Variants in AOX1 observed in about 807,000 individuals in gnomAD.
AOX1 encodes aldehyde oxidase 1.
A neutral mutation model predicts 169.5 loss-of-function variants in AOX1; 153 were observed. That is an observed-to-expected ratio of 0.90 (90% CI 0.79 to 1.03). The LOEUF (loss-of-function observed/expected upper bound fraction) is 1.03. AOX1 is among the 50% of genes least tolerant of loss of function. AOX1 has a pLI of 0.00. For synonymous variants in AOX1, 562 were observed against 581.9 expected (o/e 0.97, Z 0.49); for missense variants, 1,656 against 1,663.9 (o/e 1.00, Z 0.08).
chr2:200,626,493 C>T (rs1478546436), intron 19 of AOX1, among the ~76,000 whole-genome samples: 2 of 152,258 alleles, frequency 1.3e-5, no homozygotes, highest in African/African-American at 4.8e-5. Context: ...ACATGGATTA[C>T]TGCAAGATAA....
Position 200,602,334 on chromosome 2 carries a change from A to C in AOX1, c.487A>C (p.Thr163Pro), listed in dbSNP as rs780567839. Residue 163 changes from threonine to proline, a missense_variant, in exon 6 of 35, where the codon ACT becomes CCT. Coordinates refer to ENST00000374700, the MANE Select transcript of AOX1 (RefSeq NM_001159.4). ...GYRPIIDACKTFCKTSGCCQS... is the reference protein window; with the variant it reads ...GYRPIIDACKPFCKTSGCCQS... ...CAGGCCCATAATTGATGCATGCAAG[A>C]CTTTCTGTAAAGTAAGTGGAAAGGA... is the stretch of plus-strand genomic sequence containing the variant. The C allele has an allele frequency of 7.4e-6, 12 of 1,613,674 alleles. 1 individual carries two copies. The South Asian group carries it at 1.3e-4, about 18-fold the overall frequency.
At chr2:200,657,190 A>ATATATATATATATATATATATATAT in intron 27 of AOX1, among the ~76,000 whole-genome samples, 4 of 62,916 alleles carry the variant, frequency 6.4e-5, no homozygotes, top group African/African-American at 1.6e-4. Context: ...ATATATATAT[A>ATATATATATATATATATATATATAT]TTTTTTTTTT....
chr2:200,667,565 A>G (rs999270860), intron 32 of AOX1, among the ~76,000 whole-genome samples: 2 of 151,346 alleles, frequency 1.3e-5, no homozygotes, highest in Non-Finnish European at 2.9e-5. Context: ...GTTGTCAAGG[A>G]AAGAATGAGA....
intron 31 of AOX1, among the ~76,000 whole-genome samples, chr2:200,665,964 C>A (rs1310521861): frequency 6.6e-6 from 1 of 152,112 alleles, no homozygotes; most frequent in African/African-American, 2.4e-5. Context: ...ATGAAAGTCC[C>A]AGATCAAATA....
intron 1 of AOX1, 50 bp downstream of exon 1, chr2:200,586,203 G>T: frequency 6.6e-7 from 1 of 1,507,344 alleles, no homozygotes; most frequent in East Asian, 2.6e-5. Flanking sequence ...CCAGGGCCGG[G>T]GCAGAGAGGA....
intron 32 of AOX1, among the ~76,000 whole-genome samples, chr2:200,668,391 G>A (rs762318506): frequency 1.3e-5 from 2 of 152,144 alleles, no homozygotes; most frequent in Non-Finnish European, 2.9e-5. Context: ...TTACAGGTGT[G>A]AGCCACCACG....
At chr2:200,641,021 G>A (rs2035341711) in intron 23 of AOX1, 77 bp from the exon 24 acceptor site, 4 of 952,142 alleles carry the variant, frequency 4.2e-6, no homozygotes, top group Non-Finnish European at 6.9e-6. Context: ...TCCCCTATGT[G>A]TGGAGGGTTT....
chr2:200,603,181 T>G, intron 6 of AOX1, 86 bp from the exon 7 acceptor site: 1 of 1,027,086 alleles, frequency 9.7e-7, no homozygotes, highest in Non-Finnish European at 1.5e-6. Flanking sequence ...GATTCAGCAT[T>G]ATGTTTCAAC....
chr2:200,657,165 A>AAAAAAAAAAATATAT (rs1179205121), intron 27 of AOX1, among the ~76,000 whole-genome samples: 2 of 88,408 alleles, frequency 2.3e-5, no homozygotes, highest in African/African-American at 1.0e-4. Context: ...CTCTACCAAA[A>AAAAAAAAAAATATAT]ATATATATAT....
intron 26 of AOX1, among the ~76,000 whole-genome samples, chr2:200,655,744 A>G (rs1430590993): frequency 6.6e-6 from 1 of 152,068 alleles, no homozygotes; most frequent in African/African-American, 2.4e-5. Flanking sequence ...GGATACAAAT[A>G]AAGAGACAGT....
intron 30 of AOX1, 118 bp from the exon 31 acceptor site, chr2:200,662,737 C>G: frequency 1.4e-6 from 1 of 730,874 alleles, no homozygotes; most frequent in East Asian, 2.5e-5. Flanking sequence ...GGTGCTGGCA[C>G]ATACATTAGG....
At chr2:200,627,479 T>C (rs772057014) in intron 20 of AOX1, 30 bp downstream of exon 20, 1 of 1,486,270 alleles carries the variant, frequency 6.7e-7, no homozygotes, top group African/African-American at 1.4e-5. Context: ...TAAACAACCC[T>C]GGAAGTCTTC....
chr2:200,649,749 T>C (rs2035542429), intron 25 of AOX1, among the ~76,000 whole-genome samples: 1 of 152,100 alleles, frequency 6.6e-6, no homozygotes, highest in Non-Finnish European at 1.5e-5. Context: ...GGGTGAGCTC[T>C]CTCTCAGCCC....
chr2:200,606,641 G>T (rs1261709357), intron 10 of AOX1, among the ~76,000 whole-genome samples: 2 of 152,092 alleles, frequency 1.3e-5, no homozygotes, highest in Non-Finnish European at 2.9e-5. Context: ...ATTTGTTTGT[G>T]TCCTCTCTTA....
intron 2 of AOX1, among the ~76,000 whole-genome samples, chr2:200,594,142 A>T (rs956817309): frequency 3.9e-5 from 6 of 152,154 alleles, no homozygotes; most frequent in African/African-American, 1.2e-4. Context: ...GAGCCATTTG[A>T]TCACCGTGTA....
At chr2:200,635,310 C>T (rs1056071887) in intron 21 of AOX1, among the ~76,000 whole-genome samples, 4 of 152,144 alleles carry the variant, frequency 2.6e-5, no homozygotes, top group African/African-American at 9.7e-5. Flanking sequence ...AGATCTCTTG[C>T]TCAGCTCTTG....
rs1181052241 is a variant in AOX1 at position 200,634,885 on chromosome 2, C to T, written c.2316C>T (p.Tyr772=). Residue 772 remains tyrosine (Y), a synonymous_variant, in exon 21 of 35, where the codon TAC becomes TAT. Transcript: ENST00000374700. ...GAGAGGATCAAGAAATGGATGTCTA[C>T]GTGTCCACACAGTTTCCCAAATATA... ...PKGEDQEMDV[Y]VSTQFPKYIQ... The T allele has an allele frequency of 8.1e-6, 13 of 1,614,022 alleles. No homozygotes were observed. Among genetic ancestry groups the T allele is most frequent in the Non-Finnish European group, 1.0e-5 (12 of 1,179,932 alleles).
intron 5 of AOX1, among the ~76,000 whole-genome samples, chr2:200,601,003 T>A (rs2034402251): frequency 6.6e-6 from 1 of 151,518 alleles, no homozygotes; most frequent in African/African-American, 2.4e-5. Flanking sequence ...CCTACTGCTT[T>A]CACAGTTTAA....
At chr2:200,604,521 G>A (rs1165729623) in intron 8 of AOX1, among the ~76,000 whole-genome samples, 175 bp from the exon 9 acceptor site, 4 of 152,184 alleles carry the variant, frequency 2.6e-5, no homozygotes, top group East Asian at 1.9e-4. Flanking sequence ...AAGAACCATC[G>A]TGCTTTTATT....
Sources: gnomAD v4.1 joint callset for allele counts (sites outside exome capture counted in the v4.1 genomes callset) on GRCh38, gnomAD v4.1.1 for gene constraint, MANE v1.5 for transcripts, NCBI Gene and HGNC (gene_info 2026-07-23, HGNC 2026-07-21) for gene names.